The following PKD1 variants were observed in gnomAD, a reference collection of about 807,000 sequenced individuals.
The protein encoded by PKD1 is polycystin-1.
Under a neutral mutation model 361.7 loss-of-function variants are expected in PKD1, and 81 were observed. The observed-to-expected ratio is 0.22, with a 90% CI of 0.19 to 0.27. The LOEUF (loss-of-function observed/expected upper bound fraction) is 0.27. Ranked by LOEUF, PKD1 falls within the 10% of genes least tolerant of loss-of-function variation. PKD1 has a pLI of 1.00. For missense variants in PKD1, 6,399 were observed against 6,118.3 expected (o/e 1.05, Z -1.53); for synonymous variants, 3,615 against 2,818.3 (o/e 1.28, Z -8.95).
intron 30 of PKD1, chr16:2,099,166 T>C (rs894782706): frequency 6.0e-6 from 2 of 334,744 alleles, no homozygotes; most frequent in Admixed American, 4.4e-5. Flanking sequence ...GGTCTTGCTA[T>C]GTTGCCCAGG....
intron 1 of PKD1, among the ~76,000 whole-genome samples, chr16:2,133,855 C>T (rs535245766): frequency 2.0e-5 from 3 of 151,894 alleles, no homozygotes; most frequent in Middle Eastern, 3.2e-3. Context: ...AGGACCAGAG[C>T]CTAAGAGGAC....
rs1555447011 is a variant in PKD1, at chr16:2,093,886, C to CG, written c.10745dup (p.Val3584ArgfsTer43). ...ACAGGAGCCACGCAACACTCACGCC[C>CG]GGGGGGAAGCTCGCACCCACCCACC... On this transcript the variant is annotated frameshift_variant, in exon 36 of 46. Coordinates refer to ENST00000262304, the MANE Select transcript of PKD1 (RefSeq NM_001009944.3). LOFTEE classifies it high-confidence loss of function. 1 of 1,576,860 alleles carries CG rather than the reference C, an allele frequency of 6.3e-7. No individual in the cohort carries two copies.
intron 1 of PKD1, among the ~76,000 whole-genome samples, chr16:2,127,185 G>T (rs1033935759): frequency 6.6e-6 from 1 of 152,232 alleles, no homozygotes; most frequent in East Asian, 1.9e-4. Context: ...ATGCAGCGGG[G>T]TCCGCACATC....
At chr16:2,123,560 C>T (rs537870493) in intron 1 of PKD1, 1 of 454,288 alleles carries the variant, frequency 2.2e-6, no homozygotes, top group Non-Finnish European at 4.4e-6. Flanking sequence ...TCGCGCCAGC[C>T]CCCCCACCCC....
In PKD1 at chr16:2,097,996, G is replaced by C. The variant is rs375197665; in HGVS notation, c.10051-12C>G. 24 of 1,518,554 alleles carry C rather than the reference G, an allele frequency of 1.6e-5. No homozygotes were observed. The highest frequency in any genetic ancestry group is 3.4e-5 in the South Asian group (3 of 88,876). The allele number at this position is 1,518,554 out of a possible 1,614,324, so 94.1% of individuals were successfully genotyped here. A position where few individuals can be genotyped will look rare whatever the true frequency, so the allele number is the denominator to read the frequency against. The stretch of plus-strand genomic sequence containing the variant: ...GGGCTCCCAGCCACCTGCAGGACGA[G>C]GGCAGTGGTCAGCGGGCGGCAGCTC... On this transcript the variant is annotated splice_polypyrimidine_tract_variant and intron_variant, in intron 30 of 45. Coordinates refer to ENST00000262304, the MANE Select transcript of PKD1 (RefSeq NM_001009944.3).
At chr16:2,116,412 G>C (rs193261091) in intron 8 of PKD1, 117 bp downstream of exon 8, 2 of 645,854 alleles carry the variant, frequency 3.1e-6, no homozygotes, top group East Asian at 5.5e-5. Flanking sequence ...CATCTTCACT[G>C]GGCACAAGCA....
At position 2,090,619 on chromosome 16, in the gene PKD1, G is replaced by A. The variant is rs200814399; in HGVS notation, c.12139-29C>T. 27 of 1,608,934 alleles carry A rather than the reference G, an allele frequency of 1.7e-5. No individual in the cohort carries two copies. In the East Asian group the frequency reaches 2.7e-4, roughly 16 times the overall value. On this transcript the variant is annotated intron_variant, in intron 44 of 45. Coordinates refer to ENST00000262304, the MANE Select transcript of PKD1 (RefSeq NM_001009944.3). ...CGGGGAAGGCGACACCAGTGAGGGC[G>A]TACAGCTGAGCTGAGCTGAGCTAAG...
rs1483731442 is a variant in PKD1 at position 2,103,620 on chromosome 16, T to C, written c.8437A>G (p.Ser2813Gly). Reference protein sequence around the residue: ...GCHFSIPEAFSGALANLSDVV... With the variant: ...GCHFSIPEAFGGALANLSDVV... ...TCACTGAGGTTGGCCAGGGCCCCGC[T>C]GAAAGCCTCGGGGATGGAGAAGTGG... Residue 2813 changes from serine to glycine, a missense_variant, in exon 23 of 46, where the codon AGC (serine) becomes GGC (glycine). Ser to Gly is a moderately conservative substitution (Grantham distance 56). Transcript: ENST00000262304. 1.9e-6 allele frequency: 3 copies of C among 1,610,442 alleles called. No homozygotes were observed. Among genetic ancestry groups the C allele is most frequent in the Non-Finnish European group, 2.5e-6 (3 of 1,179,712 alleles).
In PKD1 at chr16:2,115,530, C is replaced by T; in HGVS notation, c.1945G>A (p.Gly649Arg). 1.4e-5 allele frequency: 22 copies of T among 1,595,082 alleles called. No individual in the cohort carries two copies. Among genetic ancestry groups the T allele is most frequent in the Non-Finnish European group, 1.9e-5 (22 of 1,170,814 alleles). Residue 649 changes from glycine (G) to arginine (R), a missense_variant, in exon 10 of 46, where the codon GGA (glycine) becomes AGA (arginine). Physicochemically the swap from Gly to Arg is moderately radical, Grantham distance 125. Coordinates refer to ENST00000262304, the MANE Select transcript of PKD1 (RefSeq NM_001009944.3). Reference protein sequence around the residue: ...ACMPGGRWCPGANICLPLDAS... With the variant: ...ACMPGGRWCPRANICLPLDAS... ...TCCAGCGGCAAGCAGATGTTGGCTC[C>T]AGGGCACCAGCGTCCCCCTGGCATG...
rs749606098 is a variant in PKD1 at position 2,109,155 on chromosome 16, G to A, written c.6012C>T (p.Tyr2004=). 24 of 1,601,578 alleles carry A rather than the reference G, an allele frequency of 1.5e-5. No homozygotes were observed. The highest frequency in any genetic ancestry group is 1.3e-4 in the Admixed American group (8 of 59,836). The stretch of plus-strand genomic sequence containing the variant: ...CCTTCTGCAGCGAGAAGTACCAGGC[G>A]TAGGCGACCCGAGAGCCGCGCTGCA... The part of the protein sequence containing the change: ...ARVQRGSRVA[Y]AWYFSLQKVQ... Residue 2004 remains tyrosine (Y), a synonymous_variant, in exon 15 of 46, where the codon TAC becomes TAT. Coordinates refer to ENST00000262304, the MANE Select transcript of PKD1 (RefSeq NM_001009944.3).
chr16:2,122,536 T>A (rs1464281538), intron 1 of PKD1, among the ~76,000 whole-genome samples: 2 of 152,170 alleles, frequency 1.3e-5, no homozygotes, highest in Non-Finnish European at 2.9e-5. Flanking sequence ...CTGCTAGGCA[T>A]CCACACCATC....
At chr16:2,096,913 G>C in intron 34 of PKD1, 1 of 581,748 alleles carries the variant, frequency 1.7e-6, no homozygotes, top group Admixed American at 3.0e-5. Context: ...GAGCCTTTCT[G>C]CTCCTACAAA....
Position 2,112,382 on chromosome 16 carries a change from C to T in PKD1, c.3253G>A (p.Val1085Met), listed in dbSNP as rs1431438316. 4 of 1,587,990 alleles carry T rather than the reference C, an allele frequency of 2.5e-6. No homozygotes were observed. The highest frequency in any genetic ancestry group is 3.4e-6 in the Non-Finnish European group (4 of 1,174,848). The change falls in exon 14 of 46, where the codon GTG becomes ATG. Residue 1085 changes from valine (V) to methionine (M), a missense_variant. Coordinates refer to ENST00000262304, the MANE Select transcript of PKD1 (RefSeq NM_001009944.3). ...TGCATGACATTGTGCTCCACCAGCA[C>T]CTGGGCCACCGAGGGGTCTGGAACC... ...FPVPDPSVAQ[V>M]LVEHNVMHTY...
rs1448766705 is a variant in PKD1, at chr16:2,110,673, G to A, written c.4494C>T (p.Tyr1498=). ...SAVGRGRPAS[Y]LWDLGDGGWL... Reference sequence around the variant, plus strand: ...ACCCACCGTCCCCCAGATCCCACAGGTAGCTGGCGGGGCGCCCACGGCCCA... The same window carrying A: ...ACCCACCGTCCCCCAGATCCCACAGATAGCTGGCGGGGCGCCCACGGCCCA... Residue 1498 remains tyrosine, a synonymous_variant, in exon 15 of 46, where the codon TAC becomes TAT. Coordinates refer to ENST00000262304, the MANE Select transcript of PKD1 (RefSeq NM_001009944.3). 1.2e-6 allele frequency: 2 copies of A among 1,610,144 alleles called. No individual in the cohort carries two copies. Among genetic ancestry groups the A allele is most frequent in the African/African-American group, 2.7e-5 (2 of 74,862 alleles).
At chr16:2,131,516 A>AAAATAAAT (rs764080232) in intron 1 of PKD1, among the ~76,000 whole-genome samples, 8 of 149,936 alleles carry the variant, frequency 5.3e-5, no homozygotes, top group African/African-American at 1.2e-4. Context: ...TCAAATAATA[A>AAAATAAAT]AAATAAATAA....
At chr16:2,114,966 C>A (rs1422653772) in intron 10 of PKD1, 41 bp from the exon 11 acceptor site, 133 of 1,525,398 alleles carry the variant, frequency 8.7e-5, no homozygotes, top group Non-Finnish European at 1.1e-4. Context: ...TCCTCACGGT[C>A]ATGGCCCGTG....
At chr16:2,102,778 C>A in intron 24 of PKD1, 36 bp downstream of exon 24, 2 of 1,606,618 alleles carry the variant, frequency 1.2e-6, no homozygotes, top group Non-Finnish European at 8.5e-7. Flanking sequence ...CCATGATGCC[C>A]TGCCCTGCCC....
At chr16:2,116,221 G>C (rs954204910) in intron 8 of PKD1, 103 bp from the exon 9 acceptor site, 1 of 1,237,384 alleles carries the variant, frequency 8.1e-7, no homozygotes, top group Non-Finnish European at 1.1e-6. Flanking sequence ...GAAGGAGAGC[G>C]AGCCATCAGA....
In PKD1 at chr16:2,118,589, G is replaced by A; in HGVS notation, c.529+87C>T. 2.7e-6 allele frequency: 2 copies of A among 745,038 alleles called. No individual in the cohort carries two copies. Among genetic ancestry groups the A allele is most frequent in the Non-Finnish European group, 4.7e-6 (2 of 428,778 alleles). The allele number at this position is 745,038 out of a possible 1,614,324, so 46.2% of individuals were successfully genotyped here. The stretch of plus-strand genomic sequence containing the variant: ...TGGCCCGGAGGCCCCCCCCAGAGAG[G>A]CCTTCCTGAGCCCTGCCCAGTGTCT... On this transcript the variant is annotated intron_variant, in intron 4 of 45. Coordinates refer to ENST00000262304, the MANE Select transcript of PKD1 (RefSeq NM_001009944.3). The surrounding 1 kb of genome is among the most constrained non-coding windows in gnomAD (Gnocchi z 6.0).
Sources: gnomAD v4.1 joint callset for allele counts (sites outside exome capture counted in the v4.1 genomes callset) on GRCh38, gnomAD v4.1.1 for gene constraint, Gnocchi (gnomAD v3.1) non-coding constraint, MANE v1.5 for transcripts, NCBI Gene and HGNC (gene_info 2026-07-23, HGNC 2026-07-21) for gene names.